RGS7: variants seen among roughly 807,000 people sequenced by gnomAD.
The protein encoded by RGS7 is regulator of G protein signaling 7.
A neutral mutation model predicts 81.1 loss-of-function variants in RGS7; 27 were observed. The observed-to-expected ratio is 0.33, with a 90% CI of 0.25 to 0.46. RGS7 has a LOEUF of 0.46. RGS7 is among the 20% of genes least tolerant of loss of function. The pLI is 1.00. For missense variants in RGS7, 396 were observed against 607.4 expected, an observed-to-expected ratio of 0.65 and a Z score of 3.66; for synonymous variants, 208 against 207.7, an observed-to-expected ratio of 1.00 and a Z score of -0.01.
intron 11 of RGS7, among the ~76,000 whole-genome samples, chr1:240,815,498 T>A (rs530181738): frequency 1.4e-4 from 21 of 152,318 alleles, no homozygotes; most frequent in African/African-American, 4.8e-4. Context: ...AAAGTATCAA[T>A]GATATGTGTT....
In RGS7 at chr1:241,163,012, G is replaced by T. The variant is rs1191394527; in HGVS notation, c.79-64250C>A. ...ACTTTAAAAAATGTGTTGAAGATGGGAGTTAAATTGTTTTGGAATTTGCCA... is the reference window on the plus strand; with the variant it reads ...ACTTTAAAAAATGTGTTGAAGATGGTAGTTAAATTGTTTTGGAATTTGCCA... On this transcript the variant is annotated intron_variant, in intron 2 of 18. Transcript: ENST00000440928. The surrounding 1 kb of genome is among the most constrained non-coding windows in gnomAD (Gnocchi z 4.6). Among the ~76,000 whole-genome samples, 1 of 152,154 alleles carries T rather than the reference G, an allele frequency of 6.6e-6. No individual in the cohort carries two copies. The highest frequency in any genetic ancestry group is 1.5e-5 in the Non-Finnish European group (1 of 68,036).
At chr1:241,067,386 T>C (rs1301224552) in intron 3 of RGS7, among the ~76,000 whole-genome samples, 1 of 152,140 alleles carries the variant, frequency 6.6e-6, no homozygotes, top group African/African-American at 2.4e-5. Flanking sequence ...TAGTAGGCAT[T>C]CAATCAATAA....
intron 3 of RGS7, among the ~76,000 whole-genome samples, chr1:241,091,973 T>A (rs2063916858): frequency 6.6e-6 from 1 of 152,186 alleles, no homozygotes; most frequent in African/African-American, 2.4e-5. Flanking sequence ...AAATATTTTT[T>A]AAAATATTAA....
rs149646387 is a variant in RGS7, at chr1:241,342,426, G to A, written c.78+13273C>T. On this transcript the variant is annotated intron_variant, in intron 2 of 18. Transcript: ENST00000440928. ...TCAGTCACTCTAATAAGGTCAAATG[G>A]TGCTACAAGAAGAGAAAAAACCTCC... Among the ~76,000 whole-genome samples, 446 of 152,252 alleles carry A rather than the reference G, an allele frequency of 2.9e-3. 3 individuals carry two copies. Among genetic ancestry groups the A allele is most frequent in the African/African-American group, 0.01 (422 of 41,548 alleles).
chr1:241,227,358 C>T (rs2075364361), intron 2 of RGS7, among the ~76,000 whole-genome samples: 1 of 152,012 alleles, frequency 6.6e-6, no homozygotes, highest in African/African-American at 2.4e-5. Context: ...AGGTAAAAAG[C>T]CTATGGCAAC....
chr1:241,308,863 T>A (rs1242396060), intron 2 of RGS7, among the ~76,000 whole-genome samples: 1 of 152,182 alleles, frequency 6.6e-6, no homozygotes, highest in African/African-American at 2.4e-5. Flanking sequence ...ATGTTTGAAT[T>A]TTTTAAAAAA....
intron 2 of RGS7, among the ~76,000 whole-genome samples, chr1:241,114,766 TG>T (rs1429190123): frequency 6.6e-6 from 1 of 152,218 alleles, no homozygotes; most frequent in Non-Finnish European, 1.5e-5. Flanking sequence ...AATATGATTA[TG>T]GGGCCTGAGT....
intron 5 of RGS7, among the ~76,000 whole-genome samples, chr1:240,933,136 C>T (rs1049326265): frequency 5.3e-5 from 8 of 151,254 alleles, no homozygotes; most frequent in Non-Finnish European, 7.4e-5. Context: ...CCCCCCTCGG[C>T]CCCACAAAGT....
chr1:241,023,702 C>T (rs951000639), intron 3 of RGS7, among the ~76,000 whole-genome samples: 27 of 152,232 alleles, frequency 1.8e-4, no homozygotes, highest in African/African-American at 5.8e-4. Flanking sequence ...TTTACATTGT[C>T]GAGTGCCATT....
chr1:241,212,757 A>T (rs2074319009), intron 2 of RGS7, among the ~76,000 whole-genome samples: 1 of 152,202 alleles, frequency 6.6e-6, no homozygotes, highest in South Asian at 2.1e-4. Flanking sequence ...CATTCTGTCT[A>T]ATGAATGAAT....
At chr1:241,148,454 G>A (rs2068516964) in intron 2 of RGS7, among the ~76,000 whole-genome samples, 1 of 152,176 alleles carries the variant, frequency 6.6e-6, no homozygotes, top group African/African-American at 2.4e-5. Flanking sequence ...GTTTCCTTAT[G>A]TATGTCTTTC....
intron 2 of RGS7, among the ~76,000 whole-genome samples, chr1:241,322,316 T>C (rs2081259166): frequency 6.6e-6 from 1 of 152,222 alleles, no homozygotes; most frequent in Non-Finnish European, 1.5e-5. Context: ...ACAAAATGAT[T>C]CAGAAGGCAT....
chr1:241,183,155 G>A (rs2103322941), intron 2 of RGS7, among the ~76,000 whole-genome samples: 1 of 152,192 alleles, frequency 6.6e-6, no homozygotes, highest in South Asian at 2.1e-4. Context: ...CTCATTGCTT[G>A]GACATACAAG....
At chr1:241,007,345 G>A (rs1013532144) in intron 3 of RGS7, among the ~76,000 whole-genome samples, 3 of 151,958 alleles carry the variant, frequency 2.0e-5, no homozygotes, top group Non-Finnish European at 2.9e-5. Context: ...TTTTATTCTT[G>A]GATATATAAT....
intron 2 of RGS7, among the ~76,000 whole-genome samples, chr1:241,299,619 A>G (rs888517956): frequency 6.6e-6 from 1 of 152,110 alleles, no homozygotes; most frequent in South Asian, 2.1e-4. Flanking sequence ...AGAAAAGACT[A>G]TGAAATCTAA....
At chr1:240,877,431 C>T (rs181736762) in intron 6 of RGS7, among the ~76,000 whole-genome samples, 146 of 151,630 alleles carry the variant, frequency 9.6e-4, no homozygotes, top group African/African-American at 3.3e-3. Context: ...TCTGCTAATA[C>T]ACATATGAAT....
At chr1:241,230,482 G>A (rs2075592986) in intron 2 of RGS7, among the ~76,000 whole-genome samples, 2 of 152,114 alleles carry the variant, frequency 1.3e-5, no homozygotes, top group Admixed American at 1.3e-4. Flanking sequence ...CCAAAGTTCT[G>A]GGATTACTAT....
At chr1:241,064,258 C>T (rs1293311546) in intron 3 of RGS7, among the ~76,000 whole-genome samples, 1 of 149,864 alleles carries the variant, frequency 6.7e-6, no homozygotes, top group Non-Finnish European at 1.5e-5. Context: ...TTTCACAAGA[C>T]ACCGATATTG....
chr1:240,914,240 A>T (rs771521282), intron 6 of RGS7, among the ~76,000 whole-genome samples: 3 of 152,152 alleles, frequency 2.0e-5, no homozygotes, highest in Non-Finnish European at 2.9e-5. Context: ...TTTGTTCTTT[A>T]CAGGTTGATG....
Sources: allele counts gnomAD v4.1 joint callset (sites outside exome capture counted in the v4.1 genomes callset), GRCh38; gene constraint gnomAD v4.1.1; non-coding constraint Gnocchi (gnomAD v3.1); transcripts MANE v1.5; gene names NCBI Gene and HGNC (gene_info 2026-07-23, HGNC 2026-07-21).